The following NREP variants were observed in gnomAD, a reference collection of about 807,000 sequenced individuals.
NREP encodes the protein neuronal regeneration-related protein.
NREP carries 5 observed loss-of-function variants against 8.6 expected under a neutral mutation model. The ratio of observed to expected loss-of-function variants is 0.58; its 90% CI spans 0.30 to 1.22. The LOEUF (loss-of-function observed/expected upper bound fraction) is 1.22. Ranked by LOEUF, NREP falls within the 50% of genes most tolerant of loss-of-function variation. NREP has a pLI of 0.07. For missense variants in NREP, 86 were observed against 82.5 expected (o/e 1.04, Z -0.17); for synonymous variants, 27 against 28.0 (o/e 0.96, Z 0.11).
chr5:111,900,078 A>G lies in NREP; in HGVS notation c.135+75196T>C, dbSNP rs1017768188. On this transcript the variant is annotated intron_variant, in intron 2 of 3. Coordinates refer to the NREP transcript ENST00000395634. Reference sequence around the variant, plus strand: ...CAGGTCTCAATAGATTTTAAAATTTAAAATTATATAAAGTGTCTTGTAAGA... The same window carrying G: ...CAGGTCTCAATAGATTTTAAAATTTGAAATTATATAAAGTGTCTTGTAAGA... Among the ~76,000 whole-genome samples the G allele has an allele frequency of 2.0e-5, 3 of 152,160 alleles. No homozygotes were observed. In the South Asian group the frequency reaches 6.2e-4, roughly 32 times the overall value.
intron 2 of NREP, among the ~76,000 whole-genome samples, chr5:111,764,689 A>T (rs1226090510): frequency 1.3e-5 from 2 of 152,192 alleles, no homozygotes; most frequent in Non-Finnish European, 2.9e-5. Flanking sequence ...CTTTAGAATG[A>T]GGTTCTTAAA....
In NREP at chr5:111,783,361, T is replaced by C. The variant is rs1247979141; in HGVS notation, c.136-47854A>G. On this transcript the variant is annotated intron_variant, in intron 2 of 3. Transcript: ENST00000395634. ...AATCTTCCTAAGATTACCTAGTATA[T>C]TCTATATGTTGGGGAAAAGATACAC... is the stretch of plus-strand genomic sequence containing the variant. 2.6e-5 allele frequency among the ~76,000 whole-genome samples: 4 copies of C among 152,296 alleles called. No individual in the cohort carries two copies. The East Asian group carries it at 7.7e-4, about 29-fold the overall frequency.
chr5:111,782,418 T>C (rs1561664439), intron 2 of NREP, among the ~76,000 whole-genome samples: 2 of 152,246 alleles, frequency 1.3e-5, no homozygotes, highest in Non-Finnish European at 2.9e-5. Flanking sequence ...GGAGTATAAA[T>C]GGCAAGCCTC....
At chr5:111,934,367 G>A (rs946669492) in intron 2 of NREP, among the ~76,000 whole-genome samples, 1 of 152,112 alleles carries the variant, frequency 6.6e-6, no homozygotes, top group Admixed American at 6.6e-5. Context: ...AGTATCTGGT[G>A]AAGGGAAGGT....
rs72097994 is a variant in NREP, at chr5:111,946,074, T to TCACACACACA, written c.135+29190_135+29199dup. On this transcript the variant is annotated intron_variant, in intron 2 of 3. Coordinates refer to the NREP transcript ENST00000395634. Reference sequence around the variant, plus strand: ...AGGAGACTCTCCAAAGAGATTTTGATCACACACACACACACACACACACAC... The same window carrying TCACACACACA: ...AGGAGACTCTCCAAAGAGATTTTGATCACACACACACACACACACACACACACACACACAC... Among the ~76,000 whole-genome samples the TCACACACACA allele has an allele frequency of 9.8e-3, 1,243 of 126,910 alleles. 14 individuals are homozygous for TCACACACACA. Among genetic ancestry groups the TCACACACACA allele is most frequent in the African/African-American group, 0.033 (1,180 of 35,378 alleles). The allele number at this position is 126,910 out of a possible 152,430, so 83.3% of individuals were successfully genotyped here. A position where few individuals can be genotyped will look rare whatever the true frequency, so the allele number is the denominator to read the frequency against.
chr5:111,773,876 G>A (rs1751294679), intron 2 of NREP, among the ~76,000 whole-genome samples: 1 of 151,966 alleles, frequency 6.6e-6, no homozygotes, highest in African/African-American at 2.4e-5. Flanking sequence ...AATCTTGCGG[G>A]GCTTAGGGCA....
intron 2 of NREP, among the ~76,000 whole-genome samples, chr5:111,877,667 T>C (rs1162708441): frequency 6.6e-6 from 1 of 152,256 alleles, no homozygotes. Flanking sequence ...ATGAGACAAT[T>C]TGAACACTGT....
chr5:111,934,659 T>C (rs898249814), intron 2 of NREP, among the ~76,000 whole-genome samples: 1 of 152,088 alleles, frequency 6.6e-6, no homozygotes, highest in Non-Finnish European at 1.5e-5. Flanking sequence ...CGCAGTTCCA[T>C]GTGGGGAATC....
intron 2 of NREP, among the ~76,000 whole-genome samples, chr5:111,955,968 C>G (rs913263819): frequency 6.6e-6 from 1 of 151,526 alleles, no homozygotes; most frequent in Non-Finnish European, 1.5e-5. Flanking sequence ...AATCATTCAC[C>G]TAACCCCTGA....
intron 2 of NREP, among the ~76,000 whole-genome samples, chr5:111,888,935 T>C (rs1754326980): frequency 6.6e-6 from 1 of 152,204 alleles, no homozygotes; most frequent in East Asian, 1.9e-4. Context: ...CATCAGTGGA[T>C]TGATAGATTT....
At chr5:111,910,031 G>A (rs1035085045) in intron 2 of NREP, among the ~76,000 whole-genome samples, 3 of 152,006 alleles carry the variant, frequency 2.0e-5, no homozygotes, top group Non-Finnish European at 2.9e-5. Context: ...TAGCAGCCAC[G>A]ATATAATTTA....
In NREP at chr5:111,829,841, C is replaced by T. The variant is rs114778499; in HGVS notation, c.136-94334G>A. 4.1e-3 allele frequency among the ~76,000 whole-genome samples: 617 copies of T among 152,276 alleles called. 2 individuals are homozygous for T. Among genetic ancestry groups the T allele is most frequent in the Admixed American group, 8.8e-3 (135 of 15,298 alleles). ...GCTTTTTAAACTCAATGACTTCACC[C>T]ACATAGCGTGCCATGGGCTGGAAAA... On this transcript the variant is annotated intron_variant, in intron 2 of 3. Transcript: ENST00000395634.
chr5:111,937,817 C>A lies in NREP; in HGVS notation c.135+37457G>T, dbSNP rs575059959. ...CATTTGAGTGGGCAGCAGCCTGTCA[C>A]CCACATAATCTCACAGGGTACTGGA... On this transcript the variant is annotated intron_variant, in intron 2 of 3. Coordinates refer to the NREP transcript ENST00000395634. Among the ~76,000 whole-genome samples, 4 of 152,140 alleles carry A rather than the reference C, an allele frequency of 2.6e-5. No homozygotes were observed. In the South Asian group the frequency reaches 8.3e-4, roughly 32 times the overall value.
intron 2 of NREP, among the ~76,000 whole-genome samples, chr5:111,853,319 C>G (rs1753353171): frequency 6.6e-6 from 1 of 152,016 alleles, no homozygotes; most frequent in Non-Finnish European, 1.5e-5. Flanking sequence ...GTGGTGGACA[C>G]ATTGTCATTA....
intron 2 of NREP, among the ~76,000 whole-genome samples, chr5:111,874,634 T>C (rs1007294245): frequency 6.6e-6 from 1 of 152,144 alleles, no homozygotes; most frequent in African/African-American, 2.4e-5. Flanking sequence ...GCCGGAAACC[T>C]TAGGATTGCT....
chr5:111,860,646 A>G (rs143354176), intron 2 of NREP, among the ~76,000 whole-genome samples: 102 of 152,214 alleles, frequency 6.7e-4, no homozygotes, highest in African/African-American at 2.4e-3. Context: ...TTTCAGAGCA[A>G]TCCCTAGCAA....
chr5:111,781,786 G>T (rs752702050), intron 2 of NREP, among the ~76,000 whole-genome samples: 3 of 152,192 alleles, frequency 2.0e-5, no homozygotes, highest in Non-Finnish European at 2.9e-5. Context: ...GTACTTCAAG[G>T]GTTCTTTAGC....
rs148644404 is a variant in NREP, at chr5:111,861,542, G to C, written c.135+113732C>G. Among the ~76,000 whole-genome samples, 99 of 152,118 alleles carry C rather than the reference G, an allele frequency of 6.5e-4. 1 individual carries two copies. The highest frequency in any genetic ancestry group is 2.3e-3 in the African/African-American group (94 of 41,502). On this transcript the variant is annotated intron_variant, in intron 2 of 3. Transcript: ENST00000395634. ...TCTCCCTTGTATCAATTATCACTTT[G>C]CATCATATTTGATAGCAGAAGGAGC...
chr5:111,880,354 T>A (rs1754022191), intron 2 of NREP, among the ~76,000 whole-genome samples: 1 of 152,220 alleles, frequency 6.6e-6, no homozygotes, highest in Non-Finnish European at 1.5e-5. Context: ...ACAGACGAGG[T>A]GGCTTAAACA....
Sources: gnomAD v4.1 joint callset for allele counts (sites outside exome capture counted in the v4.1 genomes callset) on GRCh38, gnomAD v4.1.1 for gene constraint, MANE v1.5 for transcripts, NCBI Gene and HGNC (gene_info 2026-07-23, HGNC 2026-07-21) for gene names.